The following GLIS3 variants were observed in gnomAD, a reference collection of about 807,000 sequenced individuals.
GLIS3 encodes GLIS family zinc finger 3.
A neutral mutation model predicts 78.6 loss-of-function variants in GLIS3; 53 were observed. That is an observed-to-expected ratio of 0.67 (90% CI 0.54 to 0.85). The LOEUF is 0.85. GLIS3 is among the 40% of genes least tolerant of loss of function. The pLI, the probability that GLIS3 is intolerant of heterozygous loss-of-function variation, is 0.00. For synonymous variants in GLIS3, 684 were observed against 509.9 expected, an observed-to-expected ratio of 1.34 and a Z score of -4.60; for missense variants, 1,703 against 1,231.1, an observed-to-expected ratio of 1.38 and a Z score of -5.74.
the GLIS3 span, among the ~76,000 whole-genome samples, chr9:4,473,335 A>G: frequency 4.5e-4 from 69 of 152,050 alleles, no homozygotes; most frequent in African/African-American, 7.7e-4. Context: ...AATCCCAGCT[A>G]CTCAGGAGGC....
chr9:4,226,788 C>T (rs1207401835), intron 2 of GLIS3, among the ~76,000 whole-genome samples: 2 of 152,142 alleles, frequency 1.3e-5, no homozygotes, highest in African/African-American at 4.8e-5. Flanking sequence ...CACATAAGAG[C>T]TGTTGGTGAG....
intron 4 of GLIS3, among the ~76,000 whole-genome samples, chr9:4,007,907 G>T (rs978741513): frequency 1.7e-4 from 26 of 149,124 alleles, no homozygotes; most frequent in Admixed American, 4.7e-4. Flanking sequence ...TGGGGGGGGG[G>T]GGTTACTCCA....
the GLIS3 span, among the ~76,000 whole-genome samples, chr9:4,457,946 T>A: frequency 6.6e-6 from 1 of 152,102 alleles, no homozygotes; most frequent in Admixed American, 6.6e-5. Flanking sequence ...TCTATGTAGA[T>A]GACCTTTGTG....
chr9:4,167,609 C>A (rs1272321243), intron 2 of GLIS3, among the ~76,000 whole-genome samples: 1 of 152,142 alleles, frequency 6.6e-6, no homozygotes, highest in African/African-American at 2.4e-5. Flanking sequence ...TTTCCTGGTA[C>A]ATAAAGTGAG....
intron 4 of GLIS3, among the ~76,000 whole-genome samples, chr9:4,050,209 A>T (rs1016934265): frequency 6.6e-6 from 1 of 152,212 alleles, no homozygotes; most frequent in Admixed American, 6.5e-5. Context: ...AATATCCAGC[A>T]ATGATAGACT....
At chr9:4,137,812 G>T (rs186654159) in intron 2 of GLIS3, among the ~76,000 whole-genome samples, 2 of 152,164 alleles carry the variant, frequency 1.3e-5, no homozygotes, top group Non-Finnish European at 2.9e-5. Flanking sequence ...TCTTAGTATA[G>T]CAAGAGTGTT....
upstream of GLIS3, among the ~76,000 whole-genome samples, chr9:4,349,230 G>C (rs559613111): frequency 2.6e-4 from 40 of 152,298 alleles, no homozygotes; most frequent in African/African-American, 8.9e-4. Context: ...GATAGGTGTT[G>C]TCAGTGGCAC....
At chr9:4,255,365 C>T (rs1049446293) in intron 2 of GLIS3, among the ~76,000 whole-genome samples, 3 of 152,294 alleles carry the variant, frequency 2.0e-5, no homozygotes, top group East Asian at 1.9e-4. Context: ...TCCTTGGTAT[C>T]ACCCAAAGGA....
chr9:4,058,602 C>T (rs1264634403), intron 4 of GLIS3, among the ~76,000 whole-genome samples: 1 of 152,148 alleles, frequency 6.6e-6, no homozygotes, highest in African/African-American at 2.4e-5. Flanking sequence ...GTGTCTACTT[C>T]TATTGACTAT....
chr9:3,954,652 T>C (rs913289067), intron 4 of GLIS3, among the ~76,000 whole-genome samples: 1 of 152,254 alleles, frequency 6.6e-6, no homozygotes, highest in African/African-American at 2.4e-5. Flanking sequence ...TCTATTCTTT[T>C]CTGCTTAGCT....
At chr9:4,114,431 C>A (rs1468779295) in intron 4 of GLIS3, among the ~76,000 whole-genome samples, 1 of 152,122 alleles carries the variant, frequency 6.6e-6, no homozygotes, top group African/African-American at 2.4e-5. Context: ...GGGACAAATT[C>A]AGAGACTCCA....
chr9:4,241,802 C>T (rs1823344931), intron 2 of GLIS3, among the ~76,000 whole-genome samples: 1 of 152,116 alleles, frequency 6.6e-6, no homozygotes, highest in South Asian at 2.1e-4. Flanking sequence ...CATTTCTCAG[C>T]CTCCCAAGTA....
the GLIS3 span, among the ~76,000 whole-genome samples, chr9:4,431,610 C>A: frequency 2.0e-5 from 3 of 152,046 alleles, no homozygotes; most frequent in Non-Finnish European, 2.9e-5. Context: ...TTTGGGAGAC[C>A]AAGGCAGGTG....
chr9:4,479,571 G>A, the GLIS3 span, among the ~76,000 whole-genome samples: 2 of 152,054 alleles, frequency 1.3e-5, no homozygotes, highest in African/African-American at 2.4e-5. Context: ...CACTCACCCA[G>A]CCCATGACCA....
chr9:4,368,655 C>A, the GLIS3 span, among the ~76,000 whole-genome samples: 98 of 152,296 alleles, frequency 6.4e-4, no homozygotes, highest in African/African-American at 2.4e-3. Context: ...CCGGCCTGCA[C>A]AAGACCCCTC....
In GLIS3 at chr9:3,898,773, C is replaced by T. The variant is rs775604544; in HGVS notation, c.2046G>A (p.Leu682=). ...LLTDCLTVQS[L]QPATSPRDAA... ...CATCTCTAGGGGAAGTGGCCGGCTGCAGGGACTGCACGGTGAGGCAATCTG... is the reference window on the plus strand; with the variant it reads ...CATCTCTAGGGGAAGTGGCCGGCTGTAGGGACTGCACGGTGAGGCAATCTG... The change falls in exon 7 of 11, where the codon CTG becomes CTA. Residue 682 remains leucine (L), a synonymous_variant. Transcript: ENST00000381971. 2 of 1,614,196 alleles carry T rather than the reference C, an allele frequency of 1.2e-6. No individual in the cohort carries two copies. Among genetic ancestry groups the T allele is most frequent in the Non-Finnish European group, 1.7e-6 (2 of 1,180,032 alleles).
rs565434834 is a variant in GLIS3, at chr9:4,152,014, A to G, written c.389-26073T>C. ...TATTTATGGGATCTCCAGTTTGCAC[A>G]GGTCTTGTATGAAAAAACCAGAACC... On this transcript the variant is annotated intron_variant, in intron 2 of 10. Transcript: ENST00000381971. The G allele has an allele frequency of 7.9e-4, 192 of 243,734 alleles. 1 individual carries two copies. Among genetic ancestry groups the G allele is most frequent in the African/African-American group, 4.3e-3 (184 of 43,176 alleles). The allele number at this position is 243,734 out of a possible 1,614,324, so 15.1% of individuals were successfully genotyped here.
intron 4 of GLIS3, among the ~76,000 whole-genome samples, chr9:4,023,718 G>A (rs1373762811): frequency 1.3e-5 from 2 of 152,206 alleles, no homozygotes; most frequent in African/African-American, 4.8e-5. Context: ...TCAGAGACCA[G>A]CAAGAATTAG....
intron 4 of GLIS3, among the ~76,000 whole-genome samples, chr9:4,013,069 A>G (rs1822160584): frequency 6.6e-6 from 1 of 151,958 alleles, no homozygotes; most frequent in African/African-American, 2.4e-5. Context: ...GGTTTCTTAT[A>G]TGGAAATAGA....
Sources: gnomAD v4.1 joint callset for allele counts (sites outside exome capture counted in the v4.1 genomes callset) on GRCh38, gnomAD v4.1.1 for gene constraint, MANE v1.5 for transcripts, NCBI Gene and HGNC (gene_info 2026-07-23, HGNC 2026-07-21) for gene names.